The following POLD3 variants were observed in gnomAD, a reference collection of about 807,000 sequenced individuals.
The protein encoded by POLD3 is DNA polymerase delta 3, accessory subunit.
In POLD3, 19 loss-of-function variants were observed where a neutral mutation model predicts 58.2. That is an observed-to-expected ratio of 0.33 (90% CI 0.23 to 0.48). The LOEUF (loss-of-function observed/expected upper bound fraction) is 0.48. Ranked by LOEUF, POLD3 falls within the 20% of genes least tolerant of loss-of-function variation. The pLI, the probability that POLD3 is intolerant of heterozygous loss-of-function variation, is 0.99. For missense variants in POLD3, 504 were observed against 545.5 expected (o/e 0.92, Z 0.76); for synonymous variants, 172 against 193.5 (o/e 0.89, Z 0.92).
rs1230699003 is a variant in POLD3, at chr11:74,607,242, A to ATT, written c.219+2449_219+2450insTT. 3.4e-3 allele frequency among the ~76,000 whole-genome samples: 338 copies of ATT among 100,678 alleles called. 1 individual carries two copies. Among genetic ancestry groups the ATT allele is most frequent in the African/African-American group, 0.016 (309 of 19,900 alleles). 66.0% of individuals were successfully genotyped at this position (100,678 alleles called of 152,430 possible). A position where few individuals can be genotyped will look rare whatever the true frequency, so the allele number is the denominator to read the frequency against. The stretch of plus-strand genomic sequence containing the variant: ...TTGTATGGAATTTATTATTATTATT[A>ATT]TATATTTATTTATTTATTTATTTAT... On this transcript the variant is annotated intron_variant, in intron 3 of 11. Transcript: ENST00000263681.
At chr11:74,645,981 C>T (rs2032994455), downstream of POLD3, among the ~76,000 whole-genome samples, 1 of 151,820 alleles carries the variant, frequency 6.6e-6, no homozygotes, top group Non-Finnish European at 1.5e-5. Context: ...CTCTGTCACC[C>T]AGGCTGGAGT....
chr11:74,633,034 TGA>T (rs2032642488), intron 9 of POLD3, among the ~76,000 whole-genome samples: 1 of 152,102 alleles, frequency 6.6e-6, no homozygotes, highest in African/African-American at 2.4e-5. Context: ...TACAGTGCTG[TGA>T]GAGAGGTCTT....
At chr11:74,667,424 G>C (rs1325197354) in intron 4 of POLD3, among the ~76,000 whole-genome samples, 1 of 152,160 alleles carries the variant, frequency 6.6e-6, no homozygotes, top group Admixed American at 6.5e-5. Context: ...TGTAGTCCCA[G>C]CTGGAGGCTG....
At chr11:74,603,312 CATGG>C (rs2031565047) in intron 2 of POLD3, among the ~76,000 whole-genome samples, 1 of 152,148 alleles carries the variant, frequency 6.6e-6, no homozygotes. Flanking sequence ...ATTTGGAGGG[CATGG>C]AGTCAAGAAT....
intron 7 of POLD3, among the ~76,000 whole-genome samples, chr11:74,622,168 A>T (rs897973853): frequency 1.5e-4 from 23 of 150,028 alleles, no homozygotes; most frequent in Admixed American, 3.3e-4. Flanking sequence ...ATGATTTCCA[A>T]TTTCATCCGT....
At chr11:74,607,240 T>TAATATATA (rs761011170) in intron 3 of POLD3, among the ~76,000 whole-genome samples, 25 of 61,916 alleles carry the variant, frequency 4.0e-4, no homozygotes, top group African/African-American at 2.1e-3. Context: ...ATTATTATTA[T>TAATATATA]TATATATTTA....
chr11:74,647,125 G>A (rs139033397), downstream of POLD3, among the ~76,000 whole-genome samples: 1,105 of 152,272 alleles, frequency 7.3e-3, 14 homozygotes, highest in African/African-American at 0.025. Context: ...GACAGGAGGC[G>A]GAGCTCAGGC....
At chr11:74,596,538 T>C (rs1416629271) in intron 2 of POLD3, among the ~76,000 whole-genome samples, 1 of 152,212 alleles carries the variant, frequency 6.6e-6, no homozygotes, top group Non-Finnish European at 1.5e-5. Context: ...TGTACAACAT[T>C]ATGTTTTGAA....
intron 4 of POLD3, among the ~76,000 whole-genome samples, chr11:74,651,366 T>C (rs1215624925): frequency 6.6e-6 from 1 of 152,158 alleles, no homozygotes; most frequent in Non-Finnish European, 1.5e-5. Context: ...GCTGTAAGAG[T>C]TTAAGAATTC....
chr11:74,644,935 T>C (rs185290885), downstream of POLD3, among the ~76,000 whole-genome samples: 2 of 152,336 alleles, frequency 1.3e-5, no homozygotes, highest in Admixed American at 1.3e-4. Context: ...TTGTTTAGTG[T>C]CTGTTTGGGA....
chr11:74,610,072 G>A (rs2031854548), intron 3 of POLD3, among the ~76,000 whole-genome samples: 1 of 152,126 alleles, frequency 6.6e-6, no homozygotes, highest in Admixed American at 6.6e-5. Flanking sequence ...GTTGGATGTT[G>A]CCAAATATCA....
chr11:74,603,067 T>C lies in POLD3; in HGVS notation c.117-1625T>C, dbSNP rs1211260150. On this transcript the variant is annotated intron_variant, in intron 2 of 11. Transcript: ENST00000263681. ...TACTGTCATCTGAGATTATATATTATATGTTTATTGTGTGTCTCCTTTCTA... is the reference window on the plus strand; with the variant it reads ...TACTGTCATCTGAGATTATATATTACATGTTTATTGTGTGTCTCCTTTCTA... Among the ~76,000 whole-genome samples, 41 of 152,236 alleles carry C rather than the reference T, an allele frequency of 2.7e-4. 1 individual carries two copies. The highest frequency in any genetic ancestry group is 2.7e-3 in the Admixed American group (41 of 15,284).
chr11:74,613,072 A>G, intron 5 of POLD3, 62 bp downstream of exon 5: 4 of 1,474,302 alleles, frequency 2.7e-6, no homozygotes, highest in East Asian at 4.6e-5. Context: ...ATGTTTACAC[A>G]GTGGCTGCCT....
intron 4 of POLD3, among the ~76,000 whole-genome samples, chr11:74,660,765 AT>A (rs555997050): frequency 7.0e-4 from 106 of 152,170 alleles, no homozygotes; most frequent in African/African-American, 2.5e-3. Context: ...TTCCGCCATG[AT>A]TGTAAGTTTC....
chr11:74,618,396 T>G (rs1193579888), intron 5 of POLD3, 141 bp from the exon 6 acceptor site: 2 of 621,308 alleles, frequency 3.2e-6, no homozygotes, highest in Non-Finnish European at 5.6e-6. Flanking sequence ...CTAAACAATA[T>G]TAGAGTTAAG....
chr11:74,637,280 C>T (rs764654960), intron 11 of POLD3, among the ~76,000 whole-genome samples: 1 of 152,150 alleles, frequency 6.6e-6, no homozygotes, highest in Non-Finnish European at 1.5e-5. Flanking sequence ...TTCCCCACCT[C>T]CCAGTCCTCT....
At chr11:74,600,310 C>T (rs951805645) in intron 2 of POLD3, among the ~76,000 whole-genome samples, 5 of 151,992 alleles carry the variant, frequency 3.3e-5, no homozygotes, top group Non-Finnish European at 5.9e-5. Flanking sequence ...TTAGGCTGGG[C>T]GCGGTGACTA....
At chr11:74,594,389 C>T (rs2031151100) in intron 2 of POLD3, among the ~76,000 whole-genome samples, 1 of 152,148 alleles carries the variant, frequency 6.6e-6, no homozygotes, top group Non-Finnish European at 1.5e-5. Context: ...ATGACCTTGT[C>T]TTAACTAATT....
chr11:74,638,778 A>G, intron 11 of POLD3: 1 of 440,058 alleles, frequency 2.3e-6, no homozygotes. Flanking sequence ...GAAATTCTGC[A>G]TCAGTAGGCC....
Sources: allele counts gnomAD v4.1 joint callset (sites outside exome capture counted in the v4.1 genomes callset), GRCh38; gene constraint gnomAD v4.1.1; transcripts MANE v1.5; gene names NCBI Gene and HGNC (gene_info 2026-07-23, HGNC 2026-07-21).